Variants in PDPK1 observed in about 807,000 individuals in gnomAD.
PDPK1 encodes the protein 3-phosphoinositide-dependent protein kinase 1.
A neutral mutation model predicts 39.8 loss-of-function variants in PDPK1; 7 were observed. That is an observed-to-expected ratio of 0.18 (90% confidence interval 0.10 to 0.33). The LOEUF (loss-of-function observed/expected upper bound fraction) is 0.33, where lower values mean the gene tolerates loss of function less well. PDPK1 is among the 10% of genes least tolerant of loss of function. The pLI is 1.00. For synonymous variants in PDPK1, 118 were observed against 159.1 expected, an observed-to-expected ratio of 0.74 and a Z score of 1.95; for missense variants, 182 against 384.7, an observed-to-expected ratio of 0.47 and a Z score of 4.41.
chr16:2,558,583 A>G (rs992831791), intron 2 of PDPK1, among the ~76,000 whole-genome samples: 3 of 149,926 alleles, frequency 2.0e-5, no homozygotes, highest in Middle Eastern at 3.4e-3. Context: ...GGTCGAAAGC[A>G]GCTGACATGG....
intron 6 of PDPK1, among the ~76,000 whole-genome samples, chr16:2,573,491 G>A (rs1257450003): frequency 1.8e-5 from 1 of 54,642 alleles, no homozygotes; most frequent in Non-Finnish European, 3.2e-5. Context: ...TGCGTCTTTT[G>A]TGACATTTAT....
In PDPK1 at chr16:2,600,175, A is replaced by G. The variant is rs1416327896; in HGVS notation, c.*2408A>G. On this transcript the variant is annotated 3_prime_UTR_variant, in exon 14 of 14. Transcript: ENST00000342085. ...ATCACCTGGCACGCAGGCGCCTTAC[A>G]TTCTACGGTAGAACGTGGGGTACTG... 4.3e-6 allele frequency: 1 copy of G among 233,132 alleles called. No individual in the cohort carries two copies. Among genetic ancestry groups the G allele is most frequent in the African/African-American group, 2.2e-5 (1 of 45,334 alleles). 14.4% of individuals were successfully genotyped at this position (233,132 alleles called of 1,614,324 possible).
chr16:2,589,264 A>AT (rs2066940364), intron 11 of PDPK1, among the ~76,000 whole-genome samples: 1 of 152,110 alleles, frequency 6.6e-6, no homozygotes, highest in Admixed American at 6.6e-5. Context: ...CAATGTATGC[A>AT]TTTTTTGAGA....
Position 2,601,617 on chromosome 16 carries a change from A to G in PDPK1, c.*3850A>G, listed in dbSNP as rs371321013. 6.8e-5 allele frequency: 16 copies of G among 233,860 alleles called. No homozygotes were observed. Among genetic ancestry groups the G allele is most frequent in the Middle Eastern group, 1.2e-3 (1 of 806 alleles). 14.5% of individuals were successfully genotyped at this position (233,860 alleles called of 1,614,324 possible). ...CAGAAGGTATATTAGGACATTTGGA[A>G]TCAGTAGCAGAGCAAAGCCTCTTTG... On this transcript the variant is annotated 3_prime_UTR_variant, in exon 14 of 14. Coordinates refer to ENST00000342085, the MANE Select transcript of PDPK1 (RefSeq NM_002613.5).
Position 2,544,260 on chromosome 16 carries a change from G to A in PDPK1, c.24+6124G>A, listed in dbSNP as rs1388879327. Among the ~76,000 whole-genome samples the A allele has an allele frequency of 4.6e-5, 7 of 152,178 alleles. 1 individual carries two copies. The South Asian group carries it at 8.3e-4, about 18-fold the overall frequency. ...ACCTGGTTGCAAAGCAGCATGCCCA[G>A]TATAACTTTCCTCAGGCCCAGGGAA... On this transcript the variant is annotated intron_variant, in intron 1 of 13. Transcript: ENST00000342085.
intron 10 of PDPK1, among the ~76,000 whole-genome samples, chr16:2,586,045 T>C (rs1011478446): frequency 6.6e-6 from 1 of 152,232 alleles, no homozygotes; most frequent in Non-Finnish European, 1.5e-5. Flanking sequence ...ACAGGCTGTG[T>C]CCGCTTGGCA....
chr16:2,597,973 A>G lies in PDPK1; in HGVS notation c.*206A>G, dbSNP rs2067137560. On this transcript the variant is annotated 3_prime_UTR_variant, in exon 14 of 14. Transcript: ENST00000342085. The surrounding 1 kb of genome is among the most constrained non-coding windows in gnomAD (Gnocchi z 6.3). ...CAAAACCAGTAACAAACACAAAGGA[A>G]TTCAGGGTCGCTTTGCTTGCTCTCT... 1 of 574,084 alleles carries G rather than the reference A, an allele frequency of 1.7e-6. No individual in the cohort carries two copies. Among genetic ancestry groups the G allele is most frequent in the Non-Finnish European group, 3.1e-6 (1 of 322,782 alleles). 35.6% of individuals were successfully genotyped at this position (574,084 alleles called of 1,614,324 possible).
chr16:2,584,614 C>T (rs1260448290), intron 10 of PDPK1, among the ~76,000 whole-genome samples: 10 of 150,168 alleles, frequency 6.7e-5, no homozygotes, highest in East Asian at 2.0e-4. Flanking sequence ...GTGATCTACC[C>T]GCCTCGGCCT....
Position 2,602,199 on chromosome 16 carries a change from C to G in PDPK1, c.*4432C>G, listed in dbSNP as rs555090482. ...AACTTGACATGAGCCTATGTTGACT[C>G]ACTGGGTGGGGGTCCCTTCTTACGC... On this transcript the variant is annotated 3_prime_UTR_variant, in exon 14 of 14. Transcript: ENST00000342085. 2 of 234,390 alleles carry G rather than the reference C, an allele frequency of 8.5e-6. No homozygotes were observed. The highest frequency in any genetic ancestry group is 3.6e-4 in the South Asian group (2 of 5,526). The allele number at this position is 234,390 out of a possible 1,614,324, so 14.5% of individuals were successfully genotyped here. A position where few individuals can be genotyped will look rare whatever the true frequency, so the allele number is the denominator to read the frequency against.
chr16:2,587,914 G>A (rs143360772), intron 11 of PDPK1, among the ~76,000 whole-genome samples: 6 of 152,228 alleles, frequency 3.9e-5, no homozygotes, highest in South Asian at 4.1e-4. Flanking sequence ...CTGGTAAGAC[G>A]GGCTTCCCCC....
intron 10 of PDPK1, 108 bp from the exon 11 acceptor site, chr16:2,586,567 CT>C: frequency 1.1e-6 from 1 of 894,786 alleles, no homozygotes; most frequent in Non-Finnish European, 1.8e-6. Context: ...TTGCGCCTTG[CT>C]GTGTGCGAGC....
At chr16:2,545,878 C>T (rs1408936522) in intron 1 of PDPK1, among the ~76,000 whole-genome samples, 2 of 152,168 alleles carry the variant, frequency 1.3e-5, no homozygotes, top group Admixed American at 6.5e-5. Context: ...TTAAAGTGAT[C>T]CTACCACCTG....
rs948686057 is a variant in PDPK1 at position 2,599,971 on chromosome 16, C to A, written c.*2204C>A. On this transcript the variant is annotated 3_prime_UTR_variant, in exon 14 of 14. Transcript: ENST00000342085. Reference sequence around the variant, plus strand: ...CAGAACTAGGGGCTCAGAGCCAGAGCTGGCAGCCGCCAGCCAAAATGATGC... The same window carrying A: ...CAGAACTAGGGGCTCAGAGCCAGAGATGGCAGCCGCCAGCCAAAATGATGC... The A allele has an allele frequency of 3.9e-5, 9 of 233,212 alleles. No homozygotes were observed. Among genetic ancestry groups the A allele is most frequent in the African/African-American group, 2.0e-4 (9 of 45,304 alleles). 14.4% of individuals were successfully genotyped at this position (233,212 alleles called of 1,614,324 possible).
intron 1 of PDPK1, among the ~76,000 whole-genome samples, chr16:2,542,851 G>T (rs1328317174): frequency 1.3e-5 from 2 of 151,622 alleles, no homozygotes; most frequent in Non-Finnish European, 1.5e-5. Flanking sequence ...TGCGGAGCTG[G>T]TGACAGTGCC....
rs757123594 is a variant in PDPK1, at chr16:2,601,483, G to A, written c.*3716G>A. On this transcript the variant is annotated 3_prime_UTR_variant, in exon 14 of 14. Transcript: ENST00000342085. ...AGCGCTTGGCAGAATCTTGTACTTC[G>A]TGTCCACAATGGTACTGAATTTGCA... The A allele has an allele frequency of 1.4e-4, 33 of 234,244 alleles. No homozygotes were observed. The highest frequency in any genetic ancestry group is 3.3e-4 in the African/African-American group (15 of 45,280). The allele number at this position is 234,244 out of a possible 1,614,324, so 14.5% of individuals were successfully genotyped here.
intron 11 of PDPK1, among the ~76,000 whole-genome samples, chr16:2,588,376 C>T (rs1811802311): frequency 6.6e-6 from 1 of 152,180 alleles, no homozygotes; most frequent in Non-Finnish European, 1.5e-5. Context: ...AAGGAGCTTC[C>T]CGGGCTCGTG....
At chr16:2,540,627 A>G (rs1326455792) in intron 1 of PDPK1, among the ~76,000 whole-genome samples, 1 of 152,052 alleles carries the variant, frequency 6.6e-6, no homozygotes, top group Non-Finnish European at 1.5e-5. Flanking sequence ...TGGAGGTAGG[A>G]GGGGTGTCTT....
chr16:2,598,376 G>A lies in PDPK1; in HGVS notation c.*609G>A. The A allele has an allele frequency of 4.3e-6, 1 of 234,276 alleles. No individual in the cohort carries two copies. The highest frequency in any genetic ancestry group is 8.4e-6 in the Non-Finnish European group (1 of 118,798). The allele number at this position is 234,276 out of a possible 1,614,324, so 14.5% of individuals were successfully genotyped here. On this transcript the variant is annotated 3_prime_UTR_variant, in exon 14 of 14. Transcript: ENST00000342085. ...TATCCCTGTGGTGGCTCTGGTGGCA[G>A]CTTTCTGTGGCCCCTGCTGTGTTGG...
chr16:2,543,308 T>C (rs1399209450), intron 1 of PDPK1, among the ~76,000 whole-genome samples: 1 of 16,962 alleles, frequency 5.9e-5, no homozygotes. Flanking sequence ...CGGCCTCAGT[T>C]GCAGGGCGGC....
Sources: gnomAD v4.1 joint callset for allele counts (sites outside exome capture counted in the v4.1 genomes callset) on GRCh38, gnomAD v4.1.1 for gene constraint, Gnocchi (gnomAD v3.1) non-coding constraint, MANE v1.5 for transcripts, NCBI Gene and HGNC (gene_info 2026-07-23, HGNC 2026-07-21) for gene names.